OR56A3: variants seen among roughly 807,000 people sequenced by gnomAD.
OR56A3 encodes the protein olfactory receptor 56A3.
A neutral mutation model predicts 17.5 loss-of-function variants in OR56A3; 23 were observed. The observed-to-expected ratio is 1.32, with a 90% CI of 0.95 to 1.87. The LOEUF is 1.87. OR56A3 is among the 40% of genes most tolerant of loss of function. OR56A3 has a pLI of 0.00. For missense variants in OR56A3, 366 were observed against 380.1 expected, an observed-to-expected ratio of 0.96 and a Z score of 0.31; for synonymous variants, 175 against 150.6, an observed-to-expected ratio of 1.16 and a Z score of -1.19.
the OR56A3 span, among the ~76,000 whole-genome samples, chr11:5,969,715 AT>A: frequency 1.3e-5 from 2 of 152,140 alleles, no homozygotes; most frequent in Non-Finnish European, 2.9e-5. Flanking sequence ...CCATGGTTTC[AT>A]TTTTTGGAGA....
At chr11:5,956,466 C>T in the OR56A3 span, among the ~76,000 whole-genome samples, 1 of 151,990 alleles carries the variant, frequency 6.6e-6, no homozygotes, top group Non-Finnish European at 1.5e-5. Flanking sequence ...TCTTTGAGTC[C>T]TGAAAGACCA....
At position 5,947,981 on chromosome 11, in the gene OR56A3, G is replaced by C; in HGVS notation, c.635G>C (p.Gly212Ala). The change falls in exon 3 of 3, where the codon GGA becomes GCA. Residue 212 changes from glycine to alanine, a missense_variant. Physicochemically the swap from Gly to Ala is moderately conservative, Grantham distance 60. Transcript: ENST00000641160. ...TTTGCTGGAGGCTGGACTCTGCTAGGATCTGACCTCATCCTTATCTTCCTC... is the reference window on the plus strand; with the variant it reads ...TTTGCTGGAGGCTGGACTCTGCTAGCATCTGACCTCATCCTTATCTTCCTC... ...YQFAGGWTLLGSDLILIFLSY... is the reference protein window; with the variant it reads ...YQFAGGWTLLASDLILIFLSY... The C allele has an allele frequency of 6.8e-6, 11 of 1,614,160 alleles. No individual in the cohort carries two copies. Among genetic ancestry groups the C allele is most frequent in the Non-Finnish European group, 8.5e-6 (10 of 1,180,028 alleles).
chr11:5,976,846 T>C, the OR56A3 span, among the ~76,000 whole-genome samples: 4 of 152,176 alleles, frequency 2.6e-5, no homozygotes, highest in African/African-American at 9.7e-5. Flanking sequence ...ACCCCGTAGA[T>C]GGTTTTTTGA....
chr11:5,954,011 A>G (rs114355723), downstream of OR56A3, among the ~76,000 whole-genome samples: 1,280 of 152,280 alleles, frequency 8.4e-3, 23 homozygotes, highest in African/African-American at 0.029. Context: ...AGAGCTCAAA[A>G]TATAGTGAGA....
the OR56A3 span, among the ~76,000 whole-genome samples, chr11:5,999,060 T>A: frequency 6.6e-6 from 1 of 152,184 alleles, no homozygotes; most frequent in Non-Finnish European, 1.5e-5. Context: ...AGCCTCGTGG[T>A]GCACCCAGAC....
At chr11:5,952,007 T>C (rs1379765591), downstream of OR56A3, among the ~76,000 whole-genome samples, 2 of 152,040 alleles carry the variant, frequency 1.3e-5, no homozygotes, top group Non-Finnish European at 2.9e-5. Flanking sequence ...TAATTTGAAA[T>C]AAGATAATGA....
the OR56A3 span, chr11:5,967,560 C>A: frequency 1.9e-6 from 3 of 1,569,728 alleles, no homozygotes; most frequent in Non-Finnish European, 1.7e-6. Context: ...TTTTTACAAC[C>A]TCCTCAGCAG....
chr11:6,014,222 A>T, the OR56A3 span, among the ~76,000 whole-genome samples: 7 of 152,208 alleles, frequency 4.6e-5, no homozygotes, highest in African/African-American at 1.7e-4. Context: ...AAAAAAACAC[A>T]AAAACTAATG....
the OR56A3 span, among the ~76,000 whole-genome samples, chr11:5,961,228 G>A: frequency 4.0e-3 from 614 of 152,078 alleles, 2 homozygotes; most frequent in Non-Finnish European, 6.5e-3. Flanking sequence ...CCTCTTCCCC[G>A]GCCGCCACCC....
intron 1 of OR56A3, among the ~76,000 whole-genome samples, chr11:5,943,751 T>A (rs920861330): frequency 5.9e-5 from 9 of 152,080 alleles, no homozygotes; most frequent in Admixed American, 5.2e-4. Context: ...AAGAATAAAA[T>A]ACCTGAGAAT....
At chr11:5,952,868 A>G (rs1847915523), downstream of OR56A3, among the ~76,000 whole-genome samples, 1 of 152,082 alleles carries the variant, frequency 6.6e-6, no homozygotes. Context: ...TGAGTATCCA[A>G]TGTTTAGCCT....
At chr11:6,020,583 A>T in the OR56A3 span, 3 of 152,028 alleles carry the variant, frequency 2.0e-5, no homozygotes, top group Non-Finnish European at 2.9e-5. Context: ...TGTGAATGGG[A>T]TTGCCTTTCT....
downstream of OR56A3, among the ~76,000 whole-genome samples, chr11:5,952,188 C>A (rs1406046085): frequency 6.6e-6 from 1 of 152,128 alleles, no homozygotes; most frequent in Non-Finnish European, 1.5e-5. Context: ...AAAATGTCAA[C>A]AATTTGAAAG....
chr11:6,002,973 T>C, the OR56A3 span: 12 of 1,613,766 alleles, frequency 7.4e-6, no homozygotes, highest in Admixed American at 5.0e-5. Context: ...GGCAGTGGAG[T>C]CATTGCTGGG....
chr11:5,956,244 G>T (rs1847931545), downstream of OR56A3, among the ~76,000 whole-genome samples: 2 of 152,140 alleles, frequency 1.3e-5, no homozygotes, highest in Non-Finnish European at 2.9e-5. Context: ...TATGATGTTA[G>T]TTCTATTTAG....
At chr11:5,988,020 A>G in the OR56A3 span, among the ~76,000 whole-genome samples, 3 of 152,118 alleles carry the variant, frequency 2.0e-5, no homozygotes, top group African/African-American at 7.2e-5. Flanking sequence ...TCTTTTTTGC[A>G]TTACTTTTGT....
chr11:5,946,809 A>G (rs991126642), intron 2 of OR56A3, among the ~76,000 whole-genome samples: 2 of 152,234 alleles, frequency 1.3e-5, no homozygotes, highest in Non-Finnish European at 2.9e-5. Context: ...TCTAAGCAAA[A>G]TAAGTGCAGC....
chr11:5,973,735 G>A, the OR56A3 span, among the ~76,000 whole-genome samples: 3 of 152,078 alleles, frequency 2.0e-5, no homozygotes, highest in Non-Finnish European at 4.4e-5. Context: ...CTATTTTGTG[G>A]TTGAGCAGGC....
chr11:5,994,649 A>G, the OR56A3 span: 12 of 778,968 alleles, frequency 1.5e-5, no homozygotes, highest in African/African-American at 2.0e-4. Flanking sequence ...GCACATGGCC[A>G]GTTCTGTCTC....
Sources: gnomAD v4.1 joint callset for allele counts (sites outside exome capture counted in the v4.1 genomes callset) on GRCh38, gnomAD v4.1.1 for gene constraint, MANE v1.5 for transcripts, NCBI Gene and HGNC (gene_info 2026-07-23, HGNC 2026-07-21) for gene names.